Variants in SPAG9 observed in about 807,000 individuals in gnomAD.
The protein encoded by SPAG9 is sperm associated antigen 9.
SPAG9 carries 35 observed loss-of-function variants against 166.5 expected under a neutral mutation model. That is an observed-to-expected ratio of 0.21 (90% CI 0.16 to 0.28). The LOEUF is 0.28. Ranked by LOEUF, SPAG9 falls within the 10% of genes least tolerant of loss-of-function variation. SPAG9 has a pLI of 1.00. For synonymous variants in SPAG9, 534 were observed against 565.5 expected (o/e 0.94, Z 0.79); for missense variants, 1,235 against 1,603.3 (o/e 0.77, Z 3.92).
At position 51,094,124 on chromosome 17, in the gene SPAG9, T is replaced by C. The variant is rs1362891012; in HGVS notation, c.304-14420A>G. On this transcript the variant is annotated intron_variant, in intron 1 of 29. Coordinates refer to ENST00000262013, the MANE Select transcript of SPAG9 (RefSeq NM_001130528.3). ...CAGCCACACCTCAAAGAGACTATCCTTCTCTGGAAAAACTCAAGTGTCTCT... is the reference window on the plus strand; with the variant it reads ...CAGCCACACCTCAAAGAGACTATCCCTCTCTGGAAAAACTCAAGTGTCTCT... Among the ~76,000 whole-genome samples, 3 of 152,226 alleles carry C rather than the reference T, an allele frequency of 2.0e-5. No homozygotes were observed. The East Asian group carries it at 5.8e-4, about 29-fold the overall frequency.
In SPAG9 at chr17:51,120,766, C is replaced by T; in HGVS notation, c.-110G>A. The T allele has an allele frequency of 2.1e-6, 2 of 954,544 alleles. No individual in the cohort carries two copies. The highest frequency in any genetic ancestry group is 2.9e-6 in the Non-Finnish European group (2 of 684,688). The allele number at this position is 954,544 out of a possible 1,614,324, so 59.1% of individuals were successfully genotyped here. ...TGGGACGGGTACTAGGGCTGGAGCC[C>T]GGGCCGGGGCTGGGGCTGGGCCCGG... On this transcript the variant is annotated 5_prime_UTR_variant, in exon 1 of 30. Transcript: ENST00000262013. The surrounding 1 kb of genome is among the most constrained non-coding windows in gnomAD (Gnocchi z 4.7).
chr17:51,051,008 G>C (rs1406077966), intron 3 of SPAG9, among the ~76,000 whole-genome samples: 1 of 113,228 alleles, frequency 8.8e-6, no homozygotes, highest in Non-Finnish European at 1.8e-5. Flanking sequence ...AGAAAGAAAA[G>C]AAAGGAAGAA....
At position 51,120,824 on chromosome 17, in the gene SPAG9, G is replaced by T. The variant is rs1185676131; in HGVS notation, c.-168C>A. Reference sequence around the variant, plus strand: ...GGGGCCGGGGCCGGAGGAGGGGAGGGGTGGCGTAGGCGCTCTCACCCCAAC... The same window carrying T: ...GGGGCCGGGGCCGGAGGAGGGGAGGTGTGGCGTAGGCGCTCTCACCCCAAC... On this transcript the variant is annotated 5_prime_UTR_variant, in exon 1 of 30. Coordinates refer to ENST00000262013, the MANE Select transcript of SPAG9 (RefSeq NM_001130528.3). This position sits in a 1 kb window ranked among gnomAD's most constrained non-coding sequence, Gnocchi z 4.7. 1.1e-5 allele frequency: 5 copies of T among 456,370 alleles called. No individual in the cohort carries two copies. The East Asian group carries it at 1.9e-4, about 18-fold the overall frequency. 28.3% of individuals were successfully genotyped at this position (456,370 alleles called of 1,614,324 possible).
At chr17:50,975,924 G>A in intron 27 of SPAG9, 1 of 1,528,170 alleles carries the variant, frequency 6.5e-7, no homozygotes, top group Non-Finnish European at 8.8e-7. Context: ...AGGAGGAAAG[G>A]GGACATGGAG....
intron 1 of SPAG9, among the ~76,000 whole-genome samples, chr17:51,119,114 A>C (rs548314069): frequency 6.6e-6 from 1 of 152,232 alleles, no homozygotes; most frequent in South Asian, 2.1e-4. Context: ...CACAATCAGA[A>C]CTAAAAATCA....
At chr17:51,005,871 A>T (rs2045196364) in intron 11 of SPAG9, among the ~76,000 whole-genome samples, 1 of 152,200 alleles carries the variant, frequency 6.6e-6, no homozygotes, top group African/African-American at 2.4e-5. Flanking sequence ...GAAAACAAAA[A>T]ACAAAAGACA....
chr17:51,109,322 C>T (rs1247361832), intron 1 of SPAG9, among the ~76,000 whole-genome samples: 3 of 152,048 alleles, frequency 2.0e-5, no homozygotes, highest in Non-Finnish European at 4.4e-5. Flanking sequence ...CCACAACCTC[C>T]ACCTCCCAGG....
rs76182731 is a variant in SPAG9 at position 50,966,426 on chromosome 17, A to G, written c.3851-39T>C. On this transcript the variant is annotated intron_variant, in intron 29 of 29. Coordinates refer to ENST00000262013, the MANE Select transcript of SPAG9 (RefSeq NM_001130528.3). ...AGAAGACTCAAGTTAGGCTGAACAC[A>G]TAAAATATAGAATGATGTGAGTCAG... 7.7e-3 allele frequency: 9,459 copies of G among 1,225,304 alleles called. 185 individuals are homozygous for G. The highest frequency in any genetic ancestry group is 0.066 in the African/African-American group (4,433 of 67,438). 75.9% of individuals were successfully genotyped at this position (1,225,304 alleles called of 1,614,324 possible).
intron 2 of SPAG9, among the ~76,000 whole-genome samples, chr17:51,056,721 C>T (rs73346164): frequency 0.012 from 1,884 of 152,170 alleles, 40 homozygotes; most frequent in African/African-American, 0.042. Flanking sequence ...GGTCATCCCC[C>T]TAAACAGTTT....
intron 1 of SPAG9, among the ~76,000 whole-genome samples, chr17:51,115,235 GGCTGGAGT>G (rs2049250470): frequency 6.6e-6 from 1 of 152,050 alleles, no homozygotes; most frequent in Non-Finnish European, 1.5e-5. Context: ...CTGTTGTCAA[GGCTGGAGT>G]GCCGTGGCCA....
chr17:51,067,044 G>C (rs1403653241), intron 2 of SPAG9, among the ~76,000 whole-genome samples: 3 of 151,990 alleles, frequency 2.0e-5, no homozygotes, highest in African/African-American at 7.3e-5. Context: ...TACATATACT[G>C]TGATCCTAAA....
intron 1 of SPAG9, among the ~76,000 whole-genome samples, chr17:51,081,268 T>A (rs577052499): frequency 6.6e-6 from 1 of 152,204 alleles, no homozygotes; most frequent in East Asian, 1.9e-4. Flanking sequence ...CTGTCCAACA[T>A]GGTGAAATTC....
intron 1 of SPAG9, among the ~76,000 whole-genome samples, chr17:51,109,942 G>C (rs1427669308): frequency 2.0e-5 from 3 of 151,950 alleles, no homozygotes; most frequent in African/African-American, 7.3e-5. Flanking sequence ...CAACTCATGA[G>C]CTCAAGTGTT....
intron 5 of SPAG9, among the ~76,000 whole-genome samples, chr17:51,033,086 AT>A (rs1426450116): frequency 6.6e-6 from 1 of 151,642 alleles, no homozygotes; most frequent in Non-Finnish European, 1.5e-5. Context: ...AGTTAAGGTG[AT>A]TTTTTTAATA....
At chr17:50,996,724 A>G (rs753305247) in intron 15 of SPAG9, 30 bp from the exon 16 acceptor site, 78 of 1,610,692 alleles carry the variant, frequency 4.8e-5, no homozygotes, top group Non-Finnish European at 4.5e-5. Flanking sequence ...TCCTAATTAC[A>G]TGAATACGTT....
chr17:51,049,589 A>G (rs1209919899), intron 3 of SPAG9, among the ~76,000 whole-genome samples: 2 of 152,048 alleles, frequency 1.3e-5, no homozygotes, highest in Admixed American at 1.3e-4. Context: ...TGAGGTGGGA[A>G]GATCGTTTGA....
chr17:50,982,819 G>A, intron 24 of SPAG9, 147 bp from the exon 25 acceptor site: 1 of 772,082 alleles, frequency 1.3e-6, no homozygotes, highest in Non-Finnish European at 1.9e-6. Context: ...TTTGCAGCCT[G>A]GGTTCTTTTA....
chr17:51,048,251 T>G (rs1042936634), intron 3 of SPAG9, among the ~76,000 whole-genome samples: 4 of 152,024 alleles, frequency 2.6e-5, no homozygotes, highest in Non-Finnish European at 5.9e-5. Context: ...TGATAATATA[T>G]AGTTTCACTT....
At chr17:51,095,973 T>C (rs1419528144) in intron 1 of SPAG9, among the ~76,000 whole-genome samples, 2 of 89,294 alleles carry the variant, frequency 2.2e-5, no homozygotes, top group Non-Finnish European at 4.0e-5. Context: ...ATATATATAG[T>C]GATATATATA....
Sources: gnomAD v4.1 joint callset for allele counts (sites outside exome capture counted in the v4.1 genomes callset) on GRCh38, gnomAD v4.1.1 for gene constraint, Gnocchi (gnomAD v3.1) non-coding constraint, MANE v1.5 for transcripts, NCBI Gene and HGNC (gene_info 2026-07-23, HGNC 2026-07-21) for gene names.